ZNF600: variants seen among roughly 807,000 people sequenced by gnomAD.
ZNF600 encodes the protein zinc finger protein KR-ZNF1.
Under a neutral mutation model 7.3 loss-of-function variants are expected in ZNF600, and 4 were observed. The ratio of observed to expected loss-of-function variants is 0.55; its 90% CI spans 0.27 to 1.25. ZNF600 has a LOEUF of 1.25. Among genes scored for constraint, ZNF600 ranks in the 50% most tolerant of loss-of-function variants. The pLI is 0.12. For missense variants in ZNF600, 911 were observed against 922.1 expected, an observed-to-expected ratio of 0.99 and a Z score of 0.16; for synonymous variants, 290 against 308.9, an observed-to-expected ratio of 0.94 and a Z score of 0.64.
At chr19:52,787,807 C>T (rs2062777949), upstream of ZNF600, among the ~76,000 whole-genome samples, 5 of 148,186 alleles carry the variant, frequency 3.4e-5, no homozygotes, top group South Asian at 1.1e-3. Flanking sequence ...GTGCAGTGAG[C>T]CAAGATCGTG....
At chr19:52,802,911 C>T in the ZNF600 span, among the ~76,000 whole-genome samples, 2 of 150,476 alleles carry the variant, frequency 1.3e-5, no homozygotes, top group African/African-American at 4.9e-5. Context: ...CAGGCACACA[C>T]CGCCATGTCC....
chr19:52,767,526 T>C, exon 4 of ZNF600: 1 of 1,614,196 alleles, frequency 6.2e-7, no homozygotes, highest in Non-Finnish European at 8.5e-7. Flanking sequence ...GTTTCCAGCA[T>C]GCCTGTGATC....
At chr19:52,804,859 T>C in the ZNF600 span, among the ~76,000 whole-genome samples, 1 of 152,154 alleles carries the variant, frequency 6.6e-6, no homozygotes, top group East Asian at 1.9e-4. Context: ...AGAAAGAGCA[T>C]CTCATCATCA....
At chr19:52,817,107 T>G in the ZNF600 span, among the ~76,000 whole-genome samples, 1 of 152,158 alleles carries the variant, frequency 6.6e-6, no homozygotes, top group East Asian at 1.9e-4. Flanking sequence ...GAACGGTGGC[T>G]CACGCTTGTA....
Position 52,765,786 on chromosome 19 carries a change from C to G in ZNF600, c.2177G>C (p.Arg726Thr), listed in dbSNP as rs1036282520. The G allele has an allele frequency of 8.1e-6, 13 of 1,613,568 alleles. No individual in the cohort carries two copies. The highest frequency in any genetic ancestry group is 4.0e-5 in the African/African-American group (3 of 74,846). ...TGGTTTCTTTCCAGGATGAATTCTC[C>G]TATGTCTTTTAAGGTGTGATTTGCG... is the stretch of plus-strand genomic sequence containing the variant. The change falls in exon 4 of 4, where the codon AGG (arginine) becomes ACG (threonine). Residue 726 changes from arginine to threonine, a missense_variant. By Grantham distance (71) the Arg-to-Thr change is moderately conservative. Transcript: ENST00000648973.
chr19:52,811,079 A>G, the ZNF600 span, among the ~76,000 whole-genome samples: 2 of 144,720 alleles, frequency 1.4e-5, no homozygotes, highest in East Asian at 2.1e-4. Flanking sequence ...TTTTTGGTGG[A>G]GACGGGGTTT....
At chr19:52,806,904 A>G in the ZNF600 span, among the ~76,000 whole-genome samples, 9 of 152,206 alleles carry the variant, frequency 5.9e-5, no homozygotes, top group Admixed American at 2.6e-4. Context: ...TCTGTCATAA[A>G]AAAAGAGAGA....
At chr19:52,766,957 T>G (rs750263477) in exon 4 of ZNF600, 48 of 1,613,908 alleles carry the variant, frequency 3.0e-5, no homozygotes, top group Non-Finnish European at 3.9e-5. Flanking sequence ...CCAGTATGAA[T>G]TGCCTTATGA....
the ZNF600 span, among the ~76,000 whole-genome samples, chr19:52,824,027 T>C: frequency 2.6e-5 from 4 of 151,620 alleles, no homozygotes; most frequent in South Asian, 6.3e-4. Flanking sequence ...ATCACGCCAT[T>C]GCACTCCAGC....
chr19:52,811,745 C>A, the ZNF600 span, among the ~76,000 whole-genome samples: 7 of 149,132 alleles, frequency 4.7e-5, no homozygotes, highest in African/African-American at 1.5e-4. Flanking sequence ...GCAGCCGCCC[C>A]GTCCGGGAGG....
chr19:52,795,699 TG>T, the ZNF600 span, among the ~76,000 whole-genome samples: 3 of 152,114 alleles, frequency 2.0e-5, no homozygotes, highest in Admixed American at 1.3e-4. Context: ...CCTGAGTAGC[TG>T]GGATTACAGG....
chr19:52,791,517 G>A (rs1291508129), upstream of ZNF600, among the ~76,000 whole-genome samples: 1 of 152,110 alleles, frequency 6.6e-6, no homozygotes, highest in Non-Finnish European at 1.5e-5. Context: ...GCCATGCCTG[G>A]CTCCTTTCCT....
the ZNF600 span, among the ~76,000 whole-genome samples, chr19:52,825,741 T>C: frequency 6.6e-6 from 1 of 150,852 alleles, no homozygotes; most frequent in South Asian, 2.1e-4. Flanking sequence ...ATCCCAGCAC[T>C]TCGGGAGGCT....
chr19:52,775,129 A>G (rs2062663583), intron 2 of ZNF600, among the ~76,000 whole-genome samples: 1 of 152,162 alleles, frequency 6.6e-6, no homozygotes, highest in South Asian at 2.1e-4. Flanking sequence ...AATCCCAGCT[A>G]CACAGGAGGC....
chr19:52,790,887 G>A (rs1250854918), upstream of ZNF600, among the ~76,000 whole-genome samples: 1 of 151,820 alleles, frequency 6.6e-6, no homozygotes, highest in Non-Finnish European at 1.5e-5. Flanking sequence ...CACCATGTGG[G>A]ACAGGCTGGT....
chr19:52,832,410 T>A, the ZNF600 span, among the ~76,000 whole-genome samples: 1 of 151,804 alleles, frequency 6.6e-6, no homozygotes, highest in Non-Finnish European at 1.5e-5. Flanking sequence ...CTGACCAATA[T>A]GGTGAAATCT....
At chr19:52,785,158 C>A (rs1291554662) in intron 1 of ZNF600, among the ~76,000 whole-genome samples, 1 of 151,620 alleles carries the variant, frequency 6.6e-6, no homozygotes, top group Admixed American at 6.6e-5. Context: ...ATTTTGTACC[C>A]CTCTCCTCTC....
chr19:52,772,202 G>A (rs937838424), intron 3 of ZNF600, among the ~76,000 whole-genome samples: 1 of 151,938 alleles, frequency 6.6e-6, no homozygotes, highest in Non-Finnish European at 1.5e-5. Flanking sequence ...CAGCTACTTG[G>A]GACCCTGAGG....
chr19:52,794,202 G>A, the ZNF600 span, among the ~76,000 whole-genome samples: 5 of 152,264 alleles, frequency 3.3e-5, no homozygotes, highest in South Asian at 6.2e-4. Flanking sequence ...ACAAGAATAA[G>A]TTCAAGATGA....
Sources: gnomAD v4.1 joint callset for allele counts (sites outside exome capture counted in the v4.1 genomes callset) on GRCh38, gnomAD v4.1.1 for gene constraint, MANE v1.5 for transcripts, NCBI Gene and HGNC (gene_info 2026-07-23, HGNC 2026-07-21) for gene names.